Variants in PHF14 observed in about 807,000 individuals in gnomAD.
The protein encoded by PHF14 is PHD finger protein 14.
A neutral mutation model predicts 117.9 loss-of-function variants in PHF14; 55 were observed. That is an observed-to-expected ratio of 0.47 (90% CI 0.38 to 0.58). PHF14 has a LOEUF of 0.58. Among genes scored for constraint, PHF14 ranks in the 20% least tolerant of loss-of-function variants. PHF14 has a pLI of 0.00. For synonymous variants in PHF14, 409 were observed against 368.6 expected, an observed-to-expected ratio of 1.11 and a Z score of -1.26; for missense variants, 978 against 1,122.2, an observed-to-expected ratio of 0.87 and a Z score of 1.84.
At chr7:11,044,895 C>T (rs1480702016) in intron 13 of PHF14, among the ~76,000 whole-genome samples, 4 of 152,046 alleles carry the variant, frequency 2.6e-5, no homozygotes, top group African/African-American at 9.7e-5. Flanking sequence ...ACCTACTGGT[C>T]GAGTATCCCA....
chr7:11,148,367 T>C (rs938797679), intron 17 of PHF14, among the ~76,000 whole-genome samples: 2 of 152,220 alleles, frequency 1.3e-5, no homozygotes, highest in African/African-American at 2.4e-5. Context: ...CATGCTGTGC[T>C]CTTTTCTACT....
intron 16 of PHF14, among the ~76,000 whole-genome samples, chr7:11,084,495 G>GTT (rs11291559): frequency 2.1e-5 from 3 of 141,436 alleles, no homozygotes; most frequent in East Asian, 4.0e-4. Context: ...TTACTCTTGT[G>GTT]TTTTTTTTTT....
At chr7:11,081,613 T>C (rs1230850140) in intron 16 of PHF14, among the ~76,000 whole-genome samples, 3 of 152,200 alleles carry the variant, frequency 2.0e-5, no homozygotes, top group South Asian at 4.1e-4. Context: ...TCCCAGCACT[T>C]TGGGAGGCCG....
At chr7:11,093,507 G>A (rs985926090) in intron 16 of PHF14, among the ~76,000 whole-genome samples, 1 of 152,142 alleles carries the variant, frequency 6.6e-6, no homozygotes, top group Non-Finnish European at 1.5e-5. Flanking sequence ...CTGTGTTTCT[G>A]GTTGAGGTTG....
chr7:11,106,626 A>G (rs1476931160), intron 16 of PHF14: 2 of 982,238 alleles, frequency 2.0e-6, no homozygotes, highest in Non-Finnish European at 2.4e-6. Flanking sequence ...AATCAAAATA[A>G]TTGGCCACTA....
chr7:11,135,895 A>G (rs1265660094), intron 17 of PHF14, among the ~76,000 whole-genome samples: 1 of 152,194 alleles, frequency 6.6e-6, no homozygotes, highest in African/African-American at 2.4e-5. Context: ...TATAGCTTAC[A>G]TAATTTTCAG....
At position 10,974,228 on chromosome 7, in the gene PHF14, C is replaced by G. The variant is rs2128306152; in HGVS notation, c.-96C>G. On this transcript the variant is annotated 5_prime_UTR_variant, in exon 1 of 18. Transcript: ENST00000634607. Reference sequence around the variant, plus strand: ...CCGGTTTTAAATAGCATCTTTCGGACTTGTCTTCGCGGCCCCAGTCCCCGA... The same window carrying G: ...CCGGTTTTAAATAGCATCTTTCGGAGTTGTCTTCGCGGCCCCAGTCCCCGA... The G allele has an allele frequency of 9.4e-7, 1 of 1,069,376 alleles. No homozygotes were observed. The highest frequency in any genetic ancestry group is 2.0e-4 in the Middle Eastern group (1 of 5,054). 66.2% of individuals were successfully genotyped at this position (1,069,376 alleles called of 1,614,324 possible). A position where few individuals can be genotyped will look rare whatever the true frequency, so the allele number is the denominator to read the frequency against.
chr7:11,143,358 T>C (rs1343633699), intron 17 of PHF14, among the ~76,000 whole-genome samples: 1 of 152,078 alleles, frequency 6.6e-6, no homozygotes, highest in Non-Finnish European at 1.5e-5. Context: ...TGGGGTCAAG[T>C]GATTCTTCCG....
At chr7:11,152,740 T>A (rs1199273526) in intron 17 of PHF14, among the ~76,000 whole-genome samples, 2 of 152,202 alleles carry the variant, frequency 1.3e-5, no homozygotes, top group Non-Finnish European at 2.9e-5. Flanking sequence ...ATGTTCATTT[T>A]ATTGTAATAA....
chr7:11,107,788 T>A, intron 16 of PHF14: 3 of 860,772 alleles, frequency 3.5e-6, no homozygotes, highest in Non-Finnish European at 4.2e-6. Context: ...AAAAGTTTTT[T>A]AAAACATTTT....
chr7:11,087,637 C>T (rs1001732991), intron 16 of PHF14, among the ~76,000 whole-genome samples: 3 of 152,076 alleles, frequency 2.0e-5, no homozygotes, highest in Non-Finnish European at 4.4e-5. Context: ...CTGACTATTG[C>T]TAATTATATT....
At chr7:11,110,625 C>G in intron 16 of PHF14, 1 of 555,036 alleles carries the variant, frequency 1.8e-6, no homozygotes, top group South Asian at 7.8e-5. Flanking sequence ...TTTAAATGTA[C>G]TAGGAAGTAC....
rs1476135853 is a variant in PHF14 at position 11,042,766 on chromosome 7, T to C, written c.2264T>C (p.Leu755Pro). 6.3e-7 allele frequency: 1 copy of C among 1,589,638 alleles called. No individual in the cohort carries two copies. Among genetic ancestry groups the C allele is most frequent in the Admixed American group, 1.8e-5 (1 of 57,078 alleles). Reference sequence around the variant, plus strand: ...AAACTACATTACCATCTTGGATGTCTGGATCCTCCTCTTACAAGGATGCCA... The same window carrying C: ...AAACTACATTACCATCTTGGATGTCCGGATCCTCCTCTTACAAGGATGCCA... Reference protein sequence around the residue: ...TCKLHYHLGCLDPPLTRMPRK... With the variant: ...TCKLHYHLGCPDPPLTRMPRK... The change falls in exon 13 of 18, where the codon CTG (leucine) becomes CCG (proline). Residue 755 changes from leucine (L) to proline (P), a missense_variant. Leu to Pro is a moderately conservative substitution (Grantham distance 98). Coordinates refer to ENST00000634607, the MANE Select transcript of PHF14 (RefSeq NM_001007157.2).
At chr7:11,107,435 T>G in intron 16 of PHF14, 1 of 822,724 alleles carries the variant, frequency 1.2e-6, no homozygotes, top group Non-Finnish European at 1.5e-6. Flanking sequence ...TATCTGTTAT[T>G]AATCTGATAG....
intron 17 of PHF14, among the ~76,000 whole-genome samples, chr7:11,147,541 A>T (rs952047134): frequency 5.3e-5 from 8 of 152,194 alleles, no homozygotes; most frequent in African/African-American, 1.9e-4. Context: ...CCCAATAGTT[A>T]TGCCGCTGTC....
At chr7:11,059,346 A>G (rs910461743) in intron 14 of PHF14, among the ~76,000 whole-genome samples, 1 of 152,354 alleles carries the variant, frequency 6.6e-6, no homozygotes, top group East Asian at 1.9e-4. Flanking sequence ...ATTACCTAAA[A>G]GATGAGTTGG....
intron 2 of PHF14, among the ~76,000 whole-genome samples, chr7:10,975,966 A>G (rs897701312): frequency 6.6e-5 from 10 of 152,280 alleles, no homozygotes; most frequent in Non-Finnish European, 1.2e-4. Flanking sequence ...TTGCATTGTG[A>G]TTTACTGATA....
rs192188072 is a variant in PHF14, at chr7:11,067,251, A to C, written c.2654+5166A>C. ...TTCAGGAAGAGTAAATCGAAACCAC[A>C]GTGAGATACCACCTCACACCCATTG... On this transcript the variant is annotated intron_variant, in intron 16 of 17. Coordinates refer to ENST00000634607, the MANE Select transcript of PHF14 (RefSeq NM_001007157.2). Among the ~76,000 whole-genome samples the C allele has an allele frequency of 6.4e-4, 97 of 152,342 alleles. 1 individual carries two copies. Among genetic ancestry groups the C allele is most frequent in the Middle Eastern group, 6.8e-3 (2 of 294 alleles).
intron 17 of PHF14, among the ~76,000 whole-genome samples, chr7:11,113,035 T>A (rs1787494261): frequency 6.6e-6 from 1 of 152,060 alleles, no homozygotes. Flanking sequence ...ATAGTTGTCT[T>A]ACGAGTCTCT....
Sources: gnomAD v4.1 joint callset for allele counts (sites outside exome capture counted in the v4.1 genomes callset) on GRCh38, gnomAD v4.1.1 for gene constraint, MANE v1.5 for transcripts, NCBI Gene and HGNC (gene_info 2026-07-23, HGNC 2026-07-21) for gene names.